The following WASHC2A variants were observed in gnomAD, a reference collection of about 807,000 sequenced individuals.
WASHC2A encodes the protein WASH complex subunit 2A, also known as WASH complex subunit FAM21A.
A neutral mutation model predicts 140.3 loss-of-function variants in WASHC2A; 82 were observed. The observed-to-expected ratio is 0.58, with a 90% CI of 0.49 to 0.70. The LOEUF is 0.70. Ranked by LOEUF, WASHC2A falls within the 30% of genes least tolerant of loss-of-function variation. WASHC2A has a pLI of 0.00. For synonymous variants in WASHC2A, 340 were observed against 560.8 expected, an observed-to-expected ratio of 0.61 and a Z score of 5.56; for missense variants, 985 against 1,521.8, an observed-to-expected ratio of 0.65 and a Z score of 5.87.
Position 50,110,271 on chromosome 10 carries a change from G to A in WASHC2A, c.2039+1G>A. The A allele has an allele frequency of 1.9e-6, 3 of 1,611,692 alleles. No homozygotes were observed. Among genetic ancestry groups the A allele is most frequent in the African/African-American group, 1.3e-5 (1 of 74,894 alleles). On this transcript the variant is annotated splice_donor_variant, in intron 20 of 30. Coordinates refer to ENST00000282633, the MANE Select transcript of WASHC2A (RefSeq NM_001005751.3). LOFTEE classifies it high-confidence loss of function. ...ATCTTTTTGCCATTGCCAAGGACAG[G>A]TGAGATAGTCATTGGAAGGAGTCCC...
At position 50,127,668 on chromosome 10, in the gene WASHC2A, C is replaced by T. The variant is rs908097528; in HGVS notation, c.2960C>T (p.Ala987Val). 6.2e-7 allele frequency: 1 copy of T among 1,600,780 alleles called. No homozygotes were observed. The highest frequency in any genetic ancestry group is 8.5e-7 in the Non-Finnish European group (1 of 1,173,160). Residue 987 changes from alanine (A) to valine (V), a missense_variant, in exon 28 of 31, where the codon GCT (alanine) becomes GTT (valine). By Grantham distance (64) the Ala-to-Val change is moderately conservative. Transcript: ENST00000282633. ...GTAAAGCCTGTTTTGCCAGAATTGGCTTTTCCTTCATCTGAACACAGAAGG... is the reference window on the plus strand; with the variant it reads ...GTAAAGCCTGTTTTGCCAGAATTGGTTTTTCCTTCATCTGAACACAGAAGG... The part of the protein sequence containing the change: ...SEVKPVLPEL[A>V]FPSSEHRRSH...
intron 5 of WASHC2A, among the ~76,000 whole-genome samples, 163 bp from the exon 6 acceptor site, chr10:50,083,909 A>G (rs1341485028): frequency 1.0e-5 from 1 of 97,704 alleles, no homozygotes; most frequent in African/African-American, 3.7e-5. Flanking sequence ...ATCAGTGAAA[A>G]AAAGAATTTT....
intron 2 of WASHC2A, among the ~76,000 whole-genome samples, 170 bp downstream of exon 2, chr10:50,068,397 C>A (rs1367645310): frequency 3.3e-5 from 5 of 151,820 alleles, no homozygotes; most frequent in Non-Finnish European, 7.4e-5. Context: ...TCCCCGGCCA[C>A]CAGGGAGAGG....
chr10:50,127,958 C>A (rs1238613696), intron 28 of WASHC2A, among the ~76,000 whole-genome samples, 163 bp downstream of exon 28: 10 of 152,272 alleles, frequency 6.6e-5, no homozygotes, highest in South Asian at 2.1e-4. Context: ...TCCCCACCCC[C>A]CTCATCCTGC....
chr10:50,129,795 C>T lies in WASHC2A; in HGVS notation c.3464C>T (p.Ala1155Val). The T allele has an allele frequency of 2.5e-6, 4 of 1,612,054 alleles. No individual in the cohort carries two copies. The South Asian group carries it at 3.3e-5, about 13-fold the overall frequency. ...VERTKPKAKI[A>V]ENPANPPVGG... ...AGAACAAAACCCAAGGCAAAGATAG[C>T]AGAGAATCCTGCCAACCCACCAGTG... The change falls in exon 29 of 31, where the codon GCA (alanine) becomes GTA (valine). Residue 1155 changes from alanine (A) to valine (V), a missense_variant. Transcript: ENST00000282633.
intron 3 of WASHC2A, among the ~76,000 whole-genome samples, chr10:50,076,784 G>A (rs1478522751): frequency 6.6e-6 from 1 of 151,040 alleles, no homozygotes; most frequent in Admixed American, 6.6e-5. Flanking sequence ...TTTGAGACCA[G>A]CCTGGCCAAC....
intron 30 of WASHC2A, among the ~76,000 whole-genome samples, chr10:50,131,778 C>A (rs1843997306): frequency 6.6e-6 from 1 of 152,190 alleles, no homozygotes; most frequent in Non-Finnish European, 1.5e-5. Flanking sequence ...TCTGTGCCTC[C>A]AGCAAGCCGT....
At chr10:50,098,615 A>AT (rs1840737174) in intron 16 of WASHC2A, among the ~76,000 whole-genome samples, 1 of 89,434 alleles carries the variant, frequency 1.1e-5, no homozygotes, top group Non-Finnish European at 2.3e-5. Context: ...GTATTTTTTT[A>AT]TGTTTTGATT....
rs1840442238 is a variant in WASHC2A at position 50,095,754 on chromosome 10, C to A, written c.1396C>A (p.Pro466Thr). 6.2e-7 allele frequency: 1 copy of A among 1,610,034 alleles called. No homozygotes were observed. The highest frequency in any genetic ancestry group is 1.3e-5 in the African/African-American group (1 of 74,732). Residue 466 changes from proline (P) to threonine (T), a missense_variant, in exon 15 of 31, where the codon CCC becomes ACC. Pro to Thr is a conservative substitution (Grantham distance 38). Transcript: ENST00000282633. ...GDDDDDFFSA[P>T]HSKPSKTGKV... Reference sequence around the variant, plus strand: ...TGATGATGACGACTTTTTCTCGGCACCCCACAGCAAACCTTCTAAAACAGG... The same window carrying A: ...TGATGATGACGACTTTTTCTCGGCAACCCACAGCAAACCTTCTAAAACAGG...
chr10:50,110,511 CTTTG>C (rs1262312166), intron 20 of WASHC2A, among the ~76,000 whole-genome samples: 7 of 151,154 alleles, frequency 4.6e-5, no homozygotes, highest in Non-Finnish European at 7.4e-5. Context: ...TATTCTTTTT[CTTTG>C]TTTGTCAGGG....
intron 17 of WASHC2A, 25 bp from the exon 18 acceptor site, chr10:50,104,017 A>G: frequency 6.5e-7 from 1 of 1,538,352 alleles, no homozygotes. Flanking sequence ...CCTGTTAACC[A>G]GCAACTTTAA....
At chr10:50,068,750 C>T (rs1404821836) in intron 2 of WASHC2A, among the ~76,000 whole-genome samples, 1 of 149,516 alleles carries the variant, frequency 6.7e-6, no homozygotes, top group Non-Finnish European at 1.5e-5. Context: ...AGGGTTTTGC[C>T]CTGTCGCCCA....
Position 50,092,339 on chromosome 10 carries a change from A to G in WASHC2A, c.1003+106A>G, listed in dbSNP as rs1481128177. ...TTTACATGCTGTTTTCCCTCTGACA[A>G]ATGGGTCTGTCTCCATTTACTTTTC... On this transcript the variant is annotated intron_variant, in intron 11 of 30. Transcript: ENST00000282633. The G allele has an allele frequency of 6.4e-6, 9 of 1,395,426 alleles. No individual in the cohort carries two copies. The African/African-American group carries it at 1.1e-4, about 18-fold the overall frequency. The allele number at this position is 1,395,426 out of a possible 1,614,324, so 86.4% of individuals were successfully genotyped here.
At chr10:50,090,742 C>CT in intron 8 of WASHC2A, 34 bp from the exon 9 acceptor site, 1 of 1,578,772 alleles carries the variant, frequency 6.3e-7, no homozygotes, top group South Asian at 1.2e-5. Flanking sequence ...AGCTTAATAA[C>CT]TAGTAGTTCT....
intron 17 of WASHC2A, among the ~76,000 whole-genome samples, chr10:50,103,248 T>G (rs1335991824): frequency 6.6e-6 from 1 of 150,494 alleles, no homozygotes; most frequent in Non-Finnish European, 1.5e-5. Flanking sequence ...AAATAAAGTT[T>G]AATTTGTATT....
Position 50,091,533 on chromosome 10 carries a change from C to T in WASHC2A, c.931+15C>T, listed in dbSNP as rs1316825266. On this transcript the variant is annotated intron_variant, in intron 10 of 30. Transcript: ENST00000282633. ...GGAGCCGACAAGTGAGCCCCAGCCG[C>T]GTTGATGGGGAGTAGGGGGGGAGTA... is the stretch of plus-strand genomic sequence containing the variant. 29 of 1,549,490 alleles carry T rather than the reference C, an allele frequency of 1.9e-5. No homozygotes were observed. Among genetic ancestry groups the T allele is most frequent in the Admixed American group, 1.4e-4 (7 of 50,980 alleles).
At chr10:50,102,661 A>AT (rs1370812414) in intron 17 of WASHC2A, among the ~76,000 whole-genome samples, 2 of 127,396 alleles carry the variant, frequency 1.6e-5, no homozygotes, top group East Asian at 3.5e-4. Flanking sequence ...CGACCCCATA[A>AT]TTAAAAAAAA....
chr10:50,101,778 C>CA (rs1206728634), intron 17 of WASHC2A, among the ~76,000 whole-genome samples: 1 of 150,522 alleles, frequency 6.6e-6, no homozygotes, highest in Non-Finnish European at 1.5e-5. Context: ...AGGCCATTGT[C>CA]ACTGAGGGTC....
intron 21 of WASHC2A, among the ~76,000 whole-genome samples, chr10:50,116,503 C>T (rs1210748105): frequency 2.8e-5 from 4 of 141,160 alleles, no homozygotes; most frequent in Admixed American, 7.2e-5. Context: ...TTAGTAGAGA[C>T]GGGGTTTCAC....
Sources: allele counts gnomAD v4.1 joint callset (sites outside exome capture counted in the v4.1 genomes callset), GRCh38; gene constraint gnomAD v4.1.1; transcripts MANE v1.5; gene names NCBI Gene and HGNC (gene_info 2026-07-23, HGNC 2026-07-21).